Variants in NALF1 observed in about 807,000 individuals in gnomAD.
NALF1 encodes family with sequence similarity 155 member A.
NALF1 carries 3 observed loss-of-function variants against 48.4 expected under a neutral mutation model. The ratio of observed to expected loss-of-function variants is 0.06; its 90% confidence interval spans 0.03 to 0.16. The LOEUF (loss-of-function observed/expected upper bound fraction) is 0.16, where lower values mean the gene tolerates loss of function less well. Ranked by LOEUF, NALF1 falls within the 10% of genes least tolerant of loss-of-function variation. The pLI, the probability that NALF1 is intolerant of heterozygous loss-of-function variation, is 1.00. For missense variants in NALF1, 526 were observed against 571.5 expected, an observed-to-expected ratio of 0.92 and a Z score of 0.81; for synonymous variants, 262 against 245.7, an observed-to-expected ratio of 1.07 and a Z score of -0.62.
intron 1 of NALF1, among the ~76,000 whole-genome samples, chr13:107,775,987 G>A (rs903016381): frequency 1.3e-5 from 2 of 152,170 alleles, no homozygotes; most frequent in African/African-American, 4.8e-5. Flanking sequence ...TCACCCTAAA[G>A]TGAAAGTTGA....
chr13:107,228,770 G>A (rs1880159733), intron 1 of NALF1, among the ~76,000 whole-genome samples: 1 of 151,986 alleles, frequency 6.6e-6, no homozygotes, highest in Admixed American at 6.6e-5. Context: ...ACAGGCATGC[G>A]CCACCACACC....
chr13:107,221,275 A>G (rs1879986745), intron 1 of NALF1, among the ~76,000 whole-genome samples: 1 of 151,772 alleles, frequency 6.6e-6, no homozygotes, highest in Admixed American at 6.6e-5. Context: ...CACTAAAGCT[A>G]TTGAAATTTA....
At position 107,866,547 on chromosome 13, in the gene NALF1, A is replaced by C; in HGVS notation, c.50T>G (p.Ile17Ser). ...MCRQYDDGLK[I>S]WLAAPRENEK... is the part of the protein sequence containing the mutation. ...GTTCTCTCGGGGTGCTGCCAACCAG[A>C]TTTTTAAGCCGTCGTCATACTGCCG... Residue 17 changes from isoleucine to serine, a missense_variant, in exon 1 of 3, where the codon ATC (isoleucine) becomes AGC (serine). Ile to Ser is a moderately radical substitution (Grantham distance 142). Around this residue, in one of 2 missense-constraint regions of NALF1, gnomAD observed 373 missense variants for 355.5 expected, o/e 1.05. Transcript: ENST00000375915. The surrounding 1 kb of genome is among the most constrained non-coding windows in gnomAD (Gnocchi z 4.4). The C allele has an allele frequency of 1.2e-6, 2 of 1,612,852 alleles. No individual in the cohort carries two copies. Among genetic ancestry groups the C allele is most frequent in the Non-Finnish European group, 1.7e-6 (2 of 1,179,946 alleles).
intron 1 of NALF1, among the ~76,000 whole-genome samples, chr13:107,344,239 C>T (rs943266626): frequency 3.9e-5 from 6 of 152,144 alleles, no homozygotes; most frequent in Non-Finnish European, 5.9e-5. Context: ...GATGGCTTCA[C>T]TGAAGAATTC....
intron 1 of NALF1, among the ~76,000 whole-genome samples, chr13:107,606,614 C>G (rs1879078708): frequency 6.6e-6 from 1 of 152,070 alleles, no homozygotes; most frequent in Non-Finnish European, 1.5e-5. Flanking sequence ...AATCCACCTG[C>G]CTCGGCCTTC....
chr13:107,612,262 G>A (rs1879251964), intron 1 of NALF1, among the ~76,000 whole-genome samples: 1 of 152,038 alleles, frequency 6.6e-6, no homozygotes, highest in African/African-American at 2.4e-5. Context: ...TGCCAGGGGA[G>A]GGGAAGAGGA....
intron 1 of NALF1, among the ~76,000 whole-genome samples, chr13:107,591,403 C>T (rs1320778654): frequency 6.6e-6 from 1 of 151,974 alleles, no homozygotes; most frequent in Non-Finnish European, 1.5e-5. Flanking sequence ...TCAGTACATC[C>T]AAACCTATCT....
intron 1 of NALF1, among the ~76,000 whole-genome samples, chr13:107,636,417 T>C (rs1879978027): frequency 6.6e-6 from 1 of 152,204 alleles, no homozygotes; most frequent in African/African-American, 2.4e-5. Context: ...CTTCATTGTA[T>C]GGTTTTAAAA....
chr13:107,220,390 G>T (rs556302267), intron 1 of NALF1, among the ~76,000 whole-genome samples: 1 of 152,286 alleles, frequency 6.6e-6, no homozygotes, highest in African/African-American at 2.4e-5. Flanking sequence ...TTTAAACCTG[G>T]TCTGCATTAC....
chr13:107,427,744 C>T (rs920448405), intron 1 of NALF1, among the ~76,000 whole-genome samples: 1 of 152,068 alleles, frequency 6.6e-6, no homozygotes. Context: ...CTTTTCAGAC[C>T]CAATCACCAA....
At chr13:107,464,981 AT>A (rs1884978122) in intron 1 of NALF1, among the ~76,000 whole-genome samples, 1 of 151,572 alleles carries the variant, frequency 6.6e-6, no homozygotes, top group African/African-American at 2.4e-5. Flanking sequence ...TTATTTATTC[AT>A]TTATTCATTT....
At chr13:107,698,660 G>A (rs1241545996) in intron 1 of NALF1, among the ~76,000 whole-genome samples, 1 of 151,974 alleles carries the variant, frequency 6.6e-6, no homozygotes, top group Non-Finnish European at 1.5e-5. Context: ...CTGAGATCAA[G>A]ACTACAAATT....
At position 107,358,687 on chromosome 13, in the gene NALF1, A is replaced by C. The variant is rs1594135844; in HGVS notation, c.916-147932T>G. ...ATCAGAAGAGTAAACTCTATGGATG[A>C]CCCCTGAATCACTGAACTCAAGATA... On this transcript the variant is annotated intron_variant, in intron 1 of 2. Coordinates refer to ENST00000375915, the MANE Select transcript of NALF1 (RefSeq NM_001080396.3). Among the ~76,000 whole-genome samples, 3 of 152,094 alleles carry C rather than the reference A, an allele frequency of 2.0e-5. No individual in the cohort carries two copies. The South Asian group carries it at 6.2e-4, about 32-fold the overall frequency.
chr13:107,588,329 T>C (rs1878513613), intron 1 of NALF1, among the ~76,000 whole-genome samples: 1 of 152,050 alleles, frequency 6.6e-6, no homozygotes. Context: ...GAATTGAACA[T>C]GGGTATGTTG....
intron 1 of NALF1, among the ~76,000 whole-genome samples, chr13:107,865,399 A>G (rs1880683150): frequency 6.6e-6 from 1 of 152,154 alleles, no homozygotes; most frequent in Admixed American, 6.5e-5. Flanking sequence ...GTTTGAGCCA[A>G]CTGCATGAAT....
At chr13:107,482,751 G>A (rs1053416521) in intron 1 of NALF1, among the ~76,000 whole-genome samples, 1 of 152,126 alleles carries the variant, frequency 6.6e-6, no homozygotes, top group African/African-American at 2.4e-5. Flanking sequence ...TACACAGAAG[G>A]GAAACTGTGA....
intron 1 of NALF1, among the ~76,000 whole-genome samples, chr13:107,365,289 G>A (rs1285208966): frequency 2.0e-5 from 3 of 151,864 alleles, no homozygotes; most frequent in African/African-American, 7.3e-5. Context: ...TAATTTATCA[G>A]GTATTAGGGA....
chr13:107,241,051 T>TAAA (rs34271681), intron 1 of NALF1, among the ~76,000 whole-genome samples: 62 of 66,288 alleles, frequency 9.4e-4, no homozygotes, highest in African/African-American at 1.3e-3. Context: ...CCATATCTAC[T>TAAA]AAAAAAAAAA....
In NALF1 at chr13:107,775,353, A is replaced by G. The variant is rs566554600; in HGVS notation, c.915+90329T>C. ...AGTTTACTGAGAATGATGATTTCCA[A>G]TTTCATCCATGTCCCTACAAAGGAC... On this transcript the variant is annotated intron_variant, in intron 1 of 2. Transcript: ENST00000375915. Among the ~76,000 whole-genome samples the G allele has an allele frequency of 3.8e-3, 559 of 148,716 alleles. 3 individuals carry two copies. The highest frequency in any genetic ancestry group is 4.2e-3 in the African/African-American group (171 of 40,316).
Sources: gnomAD v4.1 joint callset for allele counts (sites outside exome capture counted in the v4.1 genomes callset) on GRCh38, gnomAD v4.1.1 for gene constraint, gnomAD v4.1.1 regional missense constraint, Gnocchi (gnomAD v3.1) non-coding constraint, MANE v1.5 for transcripts, NCBI Gene and HGNC (gene_info 2026-07-23, HGNC 2026-07-21) for gene names.